Variants in OPCML observed in about 807,000 individuals in gnomAD.
The protein encoded by OPCML is opioid binding protein/cell adhesion molecule like.
In OPCML, 13 loss-of-function variants were observed where a neutral mutation model predicts 37.8. The ratio of observed to expected loss-of-function variants is 0.34; its 90% confidence interval spans 0.22 to 0.55. The LOEUF (loss-of-function observed/expected upper bound fraction) is 0.55. Among genes scored for constraint, OPCML ranks in the 20% least tolerant of loss-of-function variants. OPCML has a pLI of 0.91. For synonymous variants in OPCML, 176 were observed against 168.8 expected (o/e 1.04, Z -0.33); for missense variants, 341 against 435.6 (o/e 0.78, Z 1.93).
chr11:132,712,944 G>A (rs1246779096), intron 2 of OPCML, among the ~76,000 whole-genome samples: 1 of 152,204 alleles, frequency 6.6e-6, no homozygotes, highest in Admixed American at 6.5e-5. Context: ...GCGATGCTCA[G>A]GCCTCTGTAG....
intron 1 of OPCML, chr11:133,007,500 A>G: frequency 1.0e-6 from 1 of 985,458 alleles, no homozygotes; most frequent in Middle Eastern, 5.2e-4. Flanking sequence ...ACCTGTCCTT[A>G]GACAGAATCT....
chr11:132,564,845 A>C (rs568622081), intron 3 of OPCML, among the ~76,000 whole-genome samples: 2 of 152,318 alleles, frequency 1.3e-5, no homozygotes, highest in South Asian at 4.1e-4. Flanking sequence ...GGTATGGTAG[A>C]CAGAAAACAT....
At chr11:132,534,101 C>T (rs1341846962) in intron 3 of OPCML, among the ~76,000 whole-genome samples, 1 of 152,148 alleles carries the variant, frequency 6.6e-6, no homozygotes, top group Admixed American at 6.5e-5. Context: ...GCTCTATCCT[C>T]TCCCTGAAAT....
intron 1 of OPCML, among the ~76,000 whole-genome samples, chr11:133,226,873 C>T (rs1240995008): frequency 6.6e-6 from 1 of 152,190 alleles, no homozygotes; most frequent in African/African-American, 2.4e-5. Flanking sequence ...ACCCAGCACC[C>T]TGAGAGAGAG....
chr11:133,114,428 A>G (rs1186493478), intron 1 of OPCML, among the ~76,000 whole-genome samples: 2 of 152,138 alleles, frequency 1.3e-5, no homozygotes, highest in Non-Finnish European at 2.9e-5. Context: ...GACATATTCA[A>G]AATCTTATAA....
chr11:132,479,764 G>C (rs187822036), intron 4 of OPCML, among the ~76,000 whole-genome samples: 2,015 of 152,254 alleles, frequency 0.013, 46 homozygotes, highest in African/African-American at 0.044. Flanking sequence ...AGCAGGGGCA[G>C]ACTGACACCT....
chr11:133,526,094 G>A (rs34536590), intron 1 of OPCML, among the ~76,000 whole-genome samples: 38,804 of 152,104 alleles, frequency 0.26, 5,360 homozygotes, highest in African/African-American at 0.33. Flanking sequence ...TGGGGGTGGC[G>A]ACAGGACGTG....
intron 1 of OPCML, among the ~76,000 whole-genome samples, chr11:133,127,631 T>C (rs1949536965): frequency 1.4e-5 from 2 of 141,442 alleles, no homozygotes; most frequent in South Asian, 4.5e-4. Flanking sequence ...AGGCTCTGTC[T>C]CAAAAAAAAA....
chr11:133,022,568 T>G (rs1230341278), intron 1 of OPCML, among the ~76,000 whole-genome samples: 1 of 152,040 alleles, frequency 6.6e-6, no homozygotes, highest in African/African-American at 2.4e-5. Flanking sequence ...TTCCACTGTC[T>G]GCACATATGT....
At chr11:133,482,438 T>A (rs1027190166) in intron 1 of OPCML, among the ~76,000 whole-genome samples, 2 of 152,116 alleles carry the variant, frequency 1.3e-5, no homozygotes, top group African/African-American at 4.8e-5. Context: ...ATCAACAATG[T>A]CTGTGAAAAG....
chr11:133,483,856 G>A (rs910710500), intron 1 of OPCML, among the ~76,000 whole-genome samples: 10 of 91,968 alleles, frequency 1.1e-4, no homozygotes, highest in African/African-American at 5.1e-4. Flanking sequence ...TAGATGGATA[G>A]ATAGATTCAT....
At chr11:133,064,739 C>T (rs1397129627) in intron 1 of OPCML, 2 of 152,152 alleles carry the variant, frequency 1.3e-5, no homozygotes, top group African/African-American at 2.4e-5. Context: ...TCCTCTGCCT[C>T]CGCAGCCACA....
At position 133,223,450 on chromosome 11, in the gene OPCML, C is replaced by T. The variant is rs538002801; in HGVS notation, c.62-280440G>A. Among the ~76,000 whole-genome samples, 7 of 152,240 alleles carry T rather than the reference C, an allele frequency of 4.6e-5. No individual in the cohort carries two copies. The East Asian group carries it at 7.7e-4, about 17-fold the overall frequency. Reference sequence around the variant, plus strand: ...CTTGTTTCTTTTTCCTGTCCAAAGCCTCTAATCCTTTCCTCTGCCATTCAT... The same window carrying T: ...CTTGTTTCTTTTTCCTGTCCAAAGCTTCTAATCCTTTCCTCTGCCATTCAT... On this transcript the variant is annotated intron_variant, in intron 1 of 7. Coordinates refer to ENST00000524381, the MANE Select transcript of OPCML (RefSeq NM_001012393.5).
intron 1 of OPCML, among the ~76,000 whole-genome samples, chr11:133,289,918 C>A (rs1942427936): frequency 6.6e-6 from 1 of 152,156 alleles, no homozygotes; most frequent in African/African-American, 2.4e-5. Flanking sequence ...CCATTTCCCC[C>A]CTGGGCTGTT....
At chr11:133,439,612 T>C (rs544183081) in intron 1 of OPCML, among the ~76,000 whole-genome samples, 96 of 152,022 alleles carry the variant, frequency 6.3e-4, no homozygotes, top group Admixed American at 2.4e-3. Flanking sequence ...GGACTACAGG[T>C]GCCCGCCACC....
chr11:132,668,016 A>C (rs1192656231), intron 2 of OPCML, among the ~76,000 whole-genome samples: 1 of 152,234 alleles, frequency 6.6e-6, no homozygotes, highest in Non-Finnish European at 1.5e-5. Context: ...GGAATTACAA[A>C]ATATTGAATA....
intron 2 of OPCML, among the ~76,000 whole-genome samples, chr11:132,675,718 T>A (rs1196177092): frequency 1.3e-5 from 2 of 152,172 alleles, no homozygotes; most frequent in Non-Finnish European, 2.9e-5. Flanking sequence ...TAAAATATTT[T>A]AAACTACTTT....
chr11:132,688,297 T>G (rs1359332594), intron 2 of OPCML, among the ~76,000 whole-genome samples: 2 of 152,182 alleles, frequency 1.3e-5, no homozygotes, highest in Non-Finnish European at 2.9e-5. Flanking sequence ...GAGCATATTT[T>G]TCATCACTCA....
intron 1 of OPCML, among the ~76,000 whole-genome samples, chr11:133,446,421 T>G (rs1371588478): frequency 2.6e-5 from 4 of 152,122 alleles, no homozygotes; most frequent in African/African-American, 9.7e-5. Flanking sequence ...TATAACTAGT[T>G]TATTTTATTT....
Sources: allele counts gnomAD v4.1 joint callset (sites outside exome capture counted in the v4.1 genomes callset), GRCh38; gene constraint gnomAD v4.1.1; transcripts MANE v1.5; gene names NCBI Gene and HGNC (gene_info 2026-07-23, HGNC 2026-07-21).